Variants in PRDM16 observed in about 807,000 individuals in gnomAD.
PRDM16 encodes the protein PR/SET domain 16.
In PRDM16, 23 loss-of-function variants were observed where a neutral mutation model predicts 110.6. That is an observed-to-expected ratio of 0.21 (90% CI 0.15 to 0.29). PRDM16 has a LOEUF of 0.29. Ranked by LOEUF, PRDM16 falls within the 10% of genes least tolerant of loss-of-function variation. The pLI, the probability that PRDM16 is intolerant of heterozygous loss-of-function variation, is 1.00. For missense variants in PRDM16, 1,615 were observed against 1,794.3 expected (o/e 0.90, Z 1.81); for synonymous variants, 799 against 781.8 (o/e 1.02, Z -0.37).
chr1:3,428,897 A>T (rs1410303265), intron 14 of PRDM16, among the ~76,000 whole-genome samples: 1 of 152,266 alleles, frequency 6.6e-6, no homozygotes, highest in Non-Finnish European at 1.5e-5. Context: ...CCTCTTAAAA[A>T]GGGGGCACTT....
chr1:3,171,533 C>G (rs566675694), intron 1 of PRDM16, among the ~76,000 whole-genome samples: 1 of 152,306 alleles, frequency 6.6e-6, no homozygotes, highest in Non-Finnish European at 1.5e-5. Context: ...ACTGGCCATC[C>G]CTTCCTCTGC....
chr1:3,252,193 G>T (rs1050150612), intron 3 of PRDM16, among the ~76,000 whole-genome samples: 1 of 152,184 alleles, frequency 6.6e-6, no homozygotes, highest in African/African-American at 2.4e-5. Context: ...GTAGCTAGGT[G>T]CCCAATGGCC....
At chr1:3,087,942 G>C (rs1466000725) in intron 1 of PRDM16, among the ~76,000 whole-genome samples, 5 of 151,960 alleles carry the variant, frequency 3.3e-5, no homozygotes, top group African/African-American at 7.3e-5. Context: ...TCAGTGAGCT[G>C]TTTCCCTCCG....
chr1:3,245,195 T>G lies in PRDM16; in HGVS notation c.438+1058T>G, dbSNP rs370886072. Reference sequence around the variant, plus strand: ...GATTCCGTGACGCAGCATATGGGCTTGAGGGGTACTGGCAGCCTTGTGGTT... The same window carrying G: ...GATTCCGTGACGCAGCATATGGGCTGGAGGGGTACTGGCAGCCTTGTGGTT... On this transcript the variant is annotated intron_variant, in intron 3 of 16. Transcript: ENST00000270722. This position sits in a 1 kb window ranked among gnomAD's most constrained non-coding sequence, Gnocchi z 4.7. Among the ~76,000 whole-genome samples, 208 of 152,280 alleles carry G rather than the reference T, an allele frequency of 1.4e-3. 1 individual carries two copies. Among genetic ancestry groups the G allele is most frequent in the African/African-American group, 4.7e-3 (196 of 41,552 alleles).
chr1:3,366,465 G>A (rs1014221695), intron 3 of PRDM16, among the ~76,000 whole-genome samples: 15 of 152,184 alleles, frequency 9.9e-5, no homozygotes, highest in East Asian at 3.9e-4. Flanking sequence ...AGGCTGTGCC[G>A]ACCAGGGCTG....
At chr1:3,398,252 C>T (rs1178607184) in intron 5 of PRDM16, among the ~76,000 whole-genome samples, 1 of 152,080 alleles carries the variant, frequency 6.6e-6, no homozygotes, top group Admixed American at 6.5e-5. Context: ...TGCTCCCCAC[C>T]CCGCTCCAGC....
intron 3 of PRDM16, chr1:3,308,904 G>C (rs578121707): frequency 6.6e-6 from 1 of 152,224 alleles, no homozygotes; most frequent in African/African-American, 2.4e-5. Flanking sequence ...GATGGTGCCC[G>C]GCTATCGGGG....
intron 3 of PRDM16, among the ~76,000 whole-genome samples, chr1:3,285,382 C>T (rs1186725327): frequency 3.3e-5 from 5 of 152,196 alleles, no homozygotes; most frequent in Admixed American, 6.5e-5. Flanking sequence ...CCTTTCAGGT[C>T]GTTTTACGTT....
chr1:3,217,847 A>G (rs1639067408), intron 2 of PRDM16, among the ~76,000 whole-genome samples: 1 of 152,150 alleles, frequency 6.6e-6, no homozygotes, highest in Admixed American at 6.5e-5. Flanking sequence ...TGCCGCCTGC[A>G]TGCTACCTCG....
intron 9 of PRDM16, 111 bp downstream of exon 9, chr1:3,412,911 G>C: frequency 1.1e-6 from 1 of 910,300 alleles, no homozygotes; most frequent in Non-Finnish European, 1.5e-6. Flanking sequence ...GTCGTCCCCC[G>C]GCCTTTGCTG....
chr1:3,343,636 T>C (rs574933730), intron 3 of PRDM16, among the ~76,000 whole-genome samples: 1 of 152,152 alleles, frequency 6.6e-6, no homozygotes, highest in African/African-American at 2.4e-5. Flanking sequence ...GGTTTTTGTT[T>C]TGTTTTGTTT....
At chr1:3,125,975 A>G (rs1013845193) in intron 1 of PRDM16, among the ~76,000 whole-genome samples, 1 of 152,244 alleles carries the variant, frequency 6.6e-6, no homozygotes, top group Admixed American at 6.5e-5. Context: ...AAGAGGAATT[A>G]GCGTTTGAGT....
At chr1:3,163,633 G>C (rs1325062472) in intron 1 of PRDM16, among the ~76,000 whole-genome samples, 1 of 152,186 alleles carries the variant, frequency 6.6e-6, no homozygotes, top group Admixed American at 6.5e-5. Context: ...AGCTGTGGGC[G>C]GGGCGGTCCT....
intron 2 of PRDM16, among the ~76,000 whole-genome samples, chr1:3,214,685 T>G (rs1297634825): frequency 2.0e-5 from 3 of 152,224 alleles, no homozygotes; most frequent in Non-Finnish European, 2.9e-5. Flanking sequence ...GGGGCAAGAA[T>G]GGCTTCAGCT....
At chr1:3,316,438 G>T (rs192416974) in intron 3 of PRDM16, among the ~76,000 whole-genome samples, 4 of 152,240 alleles carry the variant, frequency 2.6e-5, no homozygotes, top group Non-Finnish European at 4.4e-5. Context: ...CTTATGAAGT[G>T]CCAATGGTAT....
At chr1:3,250,183 C>T (rs533087713) in intron 3 of PRDM16, among the ~76,000 whole-genome samples, 11 of 149,860 alleles carry the variant, frequency 7.3e-5, no homozygotes, top group East Asian at 4.0e-4. Context: ...CTGGGGAGGC[C>T]GCATTGCTCC....
intron 15 of PRDM16, 24 bp downstream of exon 15, chr1:3,431,132 G>A (rs925326807): frequency 3.2e-6 from 5 of 1,546,888 alleles, no homozygotes; most frequent in Non-Finnish European, 3.5e-6. Flanking sequence ...TGTGCTCCAG[G>A]ATGGGGCAGG....
rs940852863 is a variant in PRDM16, at chr1:3,181,287, T to C, written c.38-4838T>C. ...TTACACACGGCCTTACGCATGGTCT[T>C]ACACACGCAGTCTTACACACGGTCT... is the stretch of plus-strand genomic sequence containing the variant. On this transcript the variant is annotated intron_variant, in intron 1 of 16. Coordinates refer to ENST00000270722, the MANE Select transcript of PRDM16 (RefSeq NM_022114.4). Among the ~76,000 whole-genome samples, 4 of 90,856 alleles carry C rather than the reference T, an allele frequency of 4.4e-5. 1 individual carries two copies. The highest frequency in any genetic ancestry group is 1.0e-4 in the African/African-American group (3 of 29,834). 59.6% of individuals were successfully genotyped at this position (90,856 alleles called of 152,430 possible). A position where few individuals can be genotyped will look rare whatever the true frequency, so the allele number is the denominator to read the frequency against.
chr1:3,324,666 C>T (rs772458996), intron 3 of PRDM16, among the ~76,000 whole-genome samples: 1 of 151,862 alleles, frequency 6.6e-6, no homozygotes, highest in Non-Finnish European at 1.5e-5. Context: ...CATGATCCTG[C>T]GGGCACAGGC....
Sources: allele counts gnomAD v4.1 joint callset (sites outside exome capture counted in the v4.1 genomes callset), GRCh38; gene constraint gnomAD v4.1.1; non-coding constraint Gnocchi (gnomAD v3.1); transcripts MANE v1.5; gene names NCBI Gene and HGNC (gene_info 2026-07-23, HGNC 2026-07-21).